Variants in CSPP1 observed in about 807,000 individuals in gnomAD.
CSPP1 encodes centrosome and spindle pole associated protein 1.
Under a neutral mutation model 164.4 loss-of-function variants are expected in CSPP1, and 126 were observed. The observed-to-expected ratio is 0.77, with a 90% CI of 0.66 to 0.89. CSPP1 has a LOEUF of 0.89. CSPP1 is among the 40% of genes least tolerant of loss of function. The probability of loss-of-function intolerance (pLI) is 0.00; values close to 1 mark genes in which losing one functional copy is unlikely to be tolerated. For synonymous variants in CSPP1, 472 were observed against 476.7 expected (o/e 0.99, Z 0.13); for missense variants, 1,395 against 1,449.8 (o/e 0.96, Z 0.61).
intron 15 of CSPP1, among the ~76,000 whole-genome samples, chr8:67,125,628 A>G (rs1288256023): frequency 6.6e-6 from 1 of 151,924 alleles, no homozygotes; most frequent in East Asian, 1.9e-4. Context: ...ATTTTTCTTC[A>G]GTCTTTTTCT....
At chr8:67,108,764 C>A (rs1048838688) in intron 9 of CSPP1, among the ~76,000 whole-genome samples, 1 of 152,164 alleles carries the variant, frequency 6.6e-6, no homozygotes, top group African/African-American at 2.4e-5. Context: ...TAGCTAAACT[C>A]TTCTTTGTGT....
chr8:67,145,878 T>A (rs915437385), intron 17 of CSPP1, among the ~76,000 whole-genome samples: 2 of 152,236 alleles, frequency 1.3e-5, no homozygotes, highest in Non-Finnish European at 2.9e-5. Flanking sequence ...ACCTTACTTA[T>A]TTTCTGTGCA....
At chr8:67,104,126 A>G (rs1814810827) in intron 8 of CSPP1, among the ~76,000 whole-genome samples, 3 of 152,320 alleles carry the variant, frequency 2.0e-5, no homozygotes, top group African/African-American at 7.2e-5. Context: ...TCATATGTCA[A>G]GAAAGATGTC....
Position 67,090,525 on chromosome 8 carries a change from C to T in CSPP1, c.304-1278C>T, listed in dbSNP as rs539554080. Among the ~76,000 whole-genome samples, 4 of 152,238 alleles carry T rather than the reference C, an allele frequency of 2.6e-5. No homozygotes were observed. In the South Asian group the frequency reaches 8.3e-4, roughly 32 times the overall value. On this transcript the variant is annotated intron_variant, in intron 4 of 30. Transcript: ENST00000678616. Reference sequence around the variant, plus strand: ...GTCCGAACTCCTGAGCTCAAGTGATCTGCCTGCCTCAACCTCCCAACCTGC... The same window carrying T: ...GTCCGAACTCCTGAGCTCAAGTGATTTGCCTGCCTCAACCTCCCAACCTGC...
intron 8 of CSPP1, among the ~76,000 whole-genome samples, chr8:67,105,142 C>G (rs1393342949): frequency 2.8e-4 from 42 of 149,482 alleles, no homozygotes; most frequent in Non-Finnish European, 7.4e-5. Context: ...TCTCCTACCT[C>G]TGCCTCCCAA....
intron 9 of CSPP1, among the ~76,000 whole-genome samples, chr8:67,109,714 C>A (rs1816424176): frequency 6.6e-6 from 1 of 152,036 alleles, no homozygotes; most frequent in Non-Finnish European, 1.5e-5. Context: ...ACCCCAGGTT[C>A]TTTGTCCCAT....
chr8:67,147,195 A>T (rs1008465583), intron 17 of CSPP1, among the ~76,000 whole-genome samples: 5 of 152,216 alleles, frequency 3.3e-5, no homozygotes, highest in African/African-American at 1.2e-4. Flanking sequence ...CTCCTAATGT[A>T]TGGTTTGTGC....
At chr8:67,168,760 CCTATTATGTG>C in intron 24 of CSPP1, among the ~76,000 whole-genome samples, 1 of 152,158 alleles carries the variant, frequency 6.6e-6, no homozygotes, top group East Asian at 1.9e-4. Flanking sequence ...ATATTCAACT[CCTATTATGTG>C]CTAGGCTCAA....
intron 12 of CSPP1, chr8:67,115,074 T>C (rs1817656454): frequency 6.6e-6 from 1 of 152,228 alleles, no homozygotes; most frequent in Non-Finnish European, 1.5e-5. Context: ...GACATACTGT[T>C]TGTGGCTGCT....
chr8:67,181,338 ATTTTTTTTTTTT>A (rs58029238), intron 28 of CSPP1, among the ~76,000 whole-genome samples: 3 of 112,658 alleles, frequency 2.7e-5, no homozygotes, highest in South Asian at 5.8e-4. Context: ...GTACCTGGCC[ATTTTTTTTTTTT>A]TTTTTTTTTT....
Position 67,125,096 on chromosome 8 carries a change from C to T in CSPP1, c.1697+6275C>T, listed in dbSNP as rs573288600. ...GTTCTTTATTTGTTTGTGCTTACTT[C>T]AGTTGCTGTCAAGTGTTCTTTCATT... On this transcript the variant is annotated intron_variant, in intron 15 of 30. Coordinates refer to ENST00000678616, the MANE Select transcript of CSPP1 (RefSeq NM_001382391.1). Among the ~76,000 whole-genome samples, 6 of 152,256 alleles carry T rather than the reference C, an allele frequency of 3.9e-5. No homozygotes were observed. The Middle Eastern group carries it at 0.01, about 259-fold the overall frequency.
intron 1 of CSPP1, 45 bp downstream of exon 1, chr8:67,064,583 C>T: frequency 1.4e-6 from 2 of 1,472,346 alleles, no homozygotes; most frequent in Non-Finnish European, 1.8e-6. Context: ...GGTCCTGGGG[C>T]TGCATTCGCT....
intron 9 of CSPP1, among the ~76,000 whole-genome samples, chr8:67,108,632 T>C (rs1178675386): frequency 6.6e-6 from 1 of 152,180 alleles, no homozygotes. Flanking sequence ...CATCTCTCCC[T>C]CCACACTTTC....
At chr8:67,067,726 G>C (rs1189338456) in intron 1 of CSPP1, among the ~76,000 whole-genome samples, 2 of 151,936 alleles carry the variant, frequency 1.3e-5, no homozygotes, top group East Asian at 3.9e-4. Context: ...GCCTCCCAAA[G>C]TGTTGGGATT....
intron 2 of CSPP1, among the ~76,000 whole-genome samples, chr8:67,075,770 A>T (rs1017737468): frequency 1.3e-5 from 2 of 152,038 alleles, no homozygotes; most frequent in Admixed American, 1.3e-4. Context: ...AAGCAGGTGA[A>T]TTTTTTTTGT....
intron 17 of CSPP1, among the ~76,000 whole-genome samples, chr8:67,142,928 C>G (rs2129556347): frequency 1.3e-5 from 2 of 152,254 alleles, no homozygotes; most frequent in Middle Eastern, 3.4e-3. Flanking sequence ...AAAAGAGTTG[C>G]AAAGATGGTG....
chr8:67,177,657 CT>C lies in CSPP1; in HGVS notation c.3110-19del, dbSNP rs535144144. On this transcript the variant is annotated intron_variant, in intron 26 of 30. Transcript: ENST00000678616. ...AAGCATTTTCTGACCTTTTAATTTG[CT>C]TTTGTTCTCCATTGACTACAGTTGA... 1,523 of 1,579,130 alleles carry C rather than the reference CT, an allele frequency of 9.6e-4. 3 individuals carry two copies. Among genetic ancestry groups the C allele is most frequent in the Non-Finnish European group, 1.2e-3 (1,422 of 1,151,766 alleles).
chr8:67,089,682 CAG>C (rs1209554762), intron 4 of CSPP1, among the ~76,000 whole-genome samples: 1 of 151,906 alleles, frequency 6.6e-6, no homozygotes, highest in African/African-American at 2.4e-5. Context: ...CCAAATGTAT[CAG>C]AAAGTTTGGG....
chr8:67,153,990 T>C (rs1366810002), intron 18 of CSPP1, 34 bp from the exon 19 acceptor site: 6 of 931,856 alleles, frequency 6.4e-6, no homozygotes, highest in Admixed American at 5.3e-5. Context: ...AAGCATTGGC[T>C]AATAGTATGT....
Sources: allele counts gnomAD v4.1 joint callset (sites outside exome capture counted in the v4.1 genomes callset), GRCh38; gene constraint gnomAD v4.1.1; transcripts MANE v1.5; gene names NCBI Gene and HGNC (gene_info 2026-07-23, HGNC 2026-07-21).